The following PCDH19 variants were observed in gnomAD, a reference collection of about 807,000 sequenced individuals.
PCDH19 encodes the protein protocadherin-19.
A neutral mutation model predicts 46.2 loss-of-function variants in PCDH19; 6 were observed. That is an observed-to-expected ratio of 0.13 (90% confidence interval 0.07 to 0.26). The LOEUF (loss-of-function observed/expected upper bound fraction) is 0.26, where lower values mean the gene tolerates loss of function less well. PCDH19 is among the 10% of genes least tolerant of loss of function. The probability of loss-of-function intolerance (pLI) is 1.00; values close to 1 mark genes in which losing one functional copy is unlikely to be tolerated. For missense variants in PCDH19, 740 were observed against 972.3 expected (o/e 0.76, Z 3.18); for synonymous variants, 481 against 415.7 (o/e 1.16, Z -1.91).
chrX:100,393,372 G>C, intron 3 of PCDH19, among the ~76,000 whole-genome samples: 1 of 110,521 alleles, frequency 9.0e-6, no homozygotes, highest in East Asian at 2.9e-4. Flanking sequence ...AGCCGGCAAA[G>C]GCTCCATCAT....
rs1299362288 is a variant in PCDH19 at position 100,322,854 on chromosome X, TATA to T, written c.2848+19046_2848+19048del. On this transcript the variant is annotated intron_variant, in intron 5 of 5. Transcript: ENST00000373034. ...CTAAGTATATATATATATATATATA[TATA>T]TATATATATTTTTGCAGCTATTGTA... 4.1e-4 allele frequency among the ~76,000 whole-genome samples: 24 copies of T among 58,747 alleles called. 1 individual carries two copies. Among genetic ancestry groups the T allele is most frequent in the African/African-American group, 1.6e-3 (21 of 12,757 alleles). 51.0% of individuals were successfully genotyped at this position (58,747 alleles called of 115,157 possible).
At position 100,407,569 on chromosome X, in the gene PCDH19, C is replaced by A. The variant is rs1190564063; in HGVS notation, c.1029G>T (p.Pro343=). 5.8e-6 allele frequency: 7 copies of A among 1,209,969 alleles called. No individual in the cohort carries two copies. Among genetic ancestry groups the A allele is most frequent in the Non-Finnish European group, 7.8e-6 (7 of 895,121 alleles). The change falls in exon 1 of 6, where the codon CCG becomes CCT. Residue 343 remains proline (P), a synonymous_variant. Coordinates refer to ENST00000373034, the MANE Select transcript of PCDH19 (RefSeq NM_001184880.2). ...TVSVLDTNDN[P]PVINLLSVNS... ...TGACTGACAGCAGGTTGATGACCGG[C>A]GGATTGTCATTGGTGTCCAGCACGC...
rs772106217 is a variant in PCDH19 at position 100,341,938 on chromosome X, C to T, written c.2813G>A (p.Ser938Asn). ...DTAVNDVLNT[S>N]VTSMGSQMPD... ...CATCTGAGATCCCATGGAGGTCACA[C>T]TGGTGTTCAGCACATCGTTGACAGC... is the stretch of plus-strand genomic sequence containing the variant. Residue 938 changes from serine (S) to asparagine (N), a missense_variant, in exon 5 of 6, where the codon AGT (serine) becomes AAT (asparagine). Around this residue, in one of 5 missense-constraint regions of PCDH19, gnomAD observed 416 missense variants for 476.8 expected, o/e 0.87. Coordinates refer to ENST00000373034, the MANE Select transcript of PCDH19 (RefSeq NM_001184880.2). 1 of 1,211,070 alleles carries T rather than the reference C, an allele frequency of 8.3e-7. No homozygotes were observed. Among genetic ancestry groups the T allele is most frequent in the Non-Finnish European group, 1.1e-6 (1 of 894,733 alleles).
At chrX:100,335,292 A>G (rs1350239974) in intron 5 of PCDH19, among the ~76,000 whole-genome samples, 1 of 111,627 alleles carries the variant, frequency 9.0e-6, no homozygotes, top group African/African-American at 3.3e-5. Flanking sequence ...GGGCATCAGA[A>G]AAAAAGGGGT....
chrX:100,377,366 A>G (rs1927418959), intron 3 of PCDH19, among the ~76,000 whole-genome samples: 1 of 112,048 alleles, frequency 8.9e-6, no homozygotes, highest in Non-Finnish European at 1.9e-5. Context: ...AATACGCCAG[A>G]TACTAAACTG....
At chrX:100,375,486 G>T (rs921637212) in intron 3 of PCDH19, among the ~76,000 whole-genome samples, 2 of 112,325 alleles carry the variant, frequency 1.8e-5, no homozygotes, top group African/African-American at 6.5e-5. Context: ...TCTTTATCCA[G>T]TCTATCATTG....
At chrX:100,324,983 G>A (rs1001279773) in intron 5 of PCDH19, among the ~76,000 whole-genome samples, 14 of 111,085 alleles carry the variant, frequency 1.3e-4, no homozygotes, top group Non-Finnish European at 1.7e-4. Context: ...TGTGGAATAT[G>A]ATGAGCACAT....
intron 5 of PCDH19, among the ~76,000 whole-genome samples, chrX:100,308,337 A>G (rs944873426): frequency 8.9e-6 from 1 of 111,816 alleles, no homozygotes; most frequent in Admixed American, 9.5e-5. Flanking sequence ...AGTCACACTT[A>G]GAAGAATGAA....
At chrX:100,357,794 G>A (rs906700868) in intron 3 of PCDH19, among the ~76,000 whole-genome samples, 22 of 112,136 alleles carry the variant, frequency 2.0e-4, no homozygotes, top group African/African-American at 7.1e-4. Context: ...TAGTGTGTCA[G>A]TTCATCCCTC....
At position 100,407,136 on chromosome X, in the gene PCDH19, C is replaced by T. The variant is rs766776568; in HGVS notation, c.1462G>A (p.Val488Ile). Reference protein sequence around the residue: ...RDPDLGLNGSVSYQIVPSQVR... With the variant: ...RDPDLGLNGSISYQIVPSQVR... The stretch of plus-strand genomic sequence containing the variant: ...TGCGACGGCACGATCTGGTAGGAGA[C>T]ACTGCCGTTGAGACCCAGGTCGGGG... The change falls in exon 1 of 6, where the codon GTC becomes ATC. Residue 488 changes from valine to isoleucine, a missense_variant. Transcript: ENST00000373034. 1.7e-6 allele frequency: 2 copies of T among 1,212,006 alleles called. No individual in the cohort carries two copies. Among genetic ancestry groups the T allele is most frequent in the Non-Finnish European group, 2.2e-6 (2 of 895,535 alleles).
At chrX:100,392,572 T>C (rs1015516620) in intron 3 of PCDH19, among the ~76,000 whole-genome samples, 2 of 111,960 alleles carry the variant, frequency 1.8e-5, no homozygotes, top group Admixed American at 1.9e-4. Context: ...CACTCAAAAG[T>C]CTATACTTGA....
chrX:100,403,136 G>C (rs190569116), intron 2 of PCDH19, among the ~76,000 whole-genome samples: 3 of 111,652 alleles, frequency 2.7e-5, no homozygotes, highest in African/African-American at 3.3e-5. Flanking sequence ...GAGCACGGGT[G>C]GGGGGACAGG....
Position 100,295,288 on chromosome X carries a change from G to C in PCDH19, c.*989C>G, listed in dbSNP as rs1318014908. ...ATGATTGGAGAGAGGGAATTTCTAA[G>C]CCTGGAAACATAACTTCAGGAGCAA... On this transcript the variant is annotated 3_prime_UTR_variant, in exon 6 of 6. Transcript: ENST00000373034. The C allele has an allele frequency of 8.9e-6, 1 of 112,032 alleles. No homozygotes were observed. Among genetic ancestry groups the C allele is most frequent in the African/African-American group, 3.2e-5 (1 of 30,825 alleles). The allele number at this position is 112,032 out of a possible 1,213,427, so 9.2% of individuals were successfully genotyped here. A position where few individuals can be genotyped will look rare whatever the true frequency, so the allele number is the denominator to read the frequency against.
At chrX:100,396,393 ACAAT>A (rs892452008) in intron 3 of PCDH19, among the ~76,000 whole-genome samples, 1 of 111,605 alleles carries the variant, frequency 9.0e-6, no homozygotes, top group African/African-American at 3.3e-5. Context: ...AGTCTGACTG[ACAAT>A]CAGAGAAAAA....
intron 3 of PCDH19, among the ~76,000 whole-genome samples, chrX:100,371,459 A>G (rs1168447329): frequency 9.0e-6 from 1 of 111,524 alleles, no homozygotes; most frequent in Non-Finnish European, 1.9e-5. Flanking sequence ...CTGGTAGGAT[A>G]TAAAGGTAGG....
rs149937511 is a variant in PCDH19, at chrX:100,309,325, T to C, written c.2849-12450A>G. 5.4e-4 allele frequency among the ~76,000 whole-genome samples: 60 copies of C among 111,497 alleles called. No individual in the cohort carries two copies. The East Asian group carries it at 0.014, about 25-fold the overall frequency. ...TGTGTTCTCGCTAATAAGTGGGAGC[T>C]AAGCTATGAGGATGCAAAGGCATAA... On this transcript the variant is annotated intron_variant, in intron 5 of 5. Coordinates refer to ENST00000373034, the MANE Select transcript of PCDH19 (RefSeq NM_001184880.2).
intron 3 of PCDH19, among the ~76,000 whole-genome samples, chrX:100,393,365 C>T (rs974731307): frequency 1.8e-5 from 2 of 110,512 alleles, no homozygotes; most frequent in African/African-American, 3.3e-5. Context: ...TCAGCCCAGC[C>T]GGCAAAGGCT....
At chrX:100,398,756 A>C (rs1447189133) in intron 3 of PCDH19, among the ~76,000 whole-genome samples, 3 of 112,127 alleles carry the variant, frequency 2.7e-5, no homozygotes, top group African/African-American at 9.7e-5. Flanking sequence ...ATGGTGATAA[A>C]TTTCAAAGTG....
chrX:100,395,248 T>C (rs1040734088), intron 3 of PCDH19, among the ~76,000 whole-genome samples: 1 of 112,163 alleles, frequency 8.9e-6, no homozygotes, highest in East Asian at 2.8e-4. Flanking sequence ...AAGAAATCAG[T>C]TAGGAGTTGA....
Sources: allele counts gnomAD v4.1 joint callset (sites outside exome capture counted in the v4.1 genomes callset), GRCh38; gene constraint gnomAD v4.1.1; regional missense constraint gnomAD v4.1.1; transcripts MANE v1.5; gene names NCBI Gene and HGNC (gene_info 2026-07-23, HGNC 2026-07-21).